Variants in ROBO3 observed in about 807,000 individuals in gnomAD.
ROBO3 encodes roundabout guidance receptor 3, also known as roundabout homolog 3.
ROBO3 carries 97 observed loss-of-function variants against 160.5 expected under a neutral mutation model. The observed-to-expected ratio is 0.60, with a 90% CI of 0.51 to 0.72. ROBO3 has a LOEUF of 0.72. Ranked by LOEUF, ROBO3 falls within the 30% of genes least tolerant of loss-of-function variation. The pLI is 0.00. For synonymous variants in ROBO3, 780 were observed against 746.2 expected (o/e 1.05, Z -0.74); for missense variants, 1,858 against 1,846.5 (o/e 1.01, Z -0.11).
At chr11:124,870,135 CCTGA>C in intron 4 of ROBO3, 26 bp from the exon 5 acceptor site, 1 of 1,614,020 alleles carries the variant, frequency 6.2e-7, no homozygotes, top group Middle Eastern at 1.6e-4. Context: ...GTGCAGACAC[CCTGA>C]CTGTTCACTC....
Position 124,872,641 on chromosome 11 carries a change from A to C in ROBO3, c.1330+89A>C. 7.6e-7 allele frequency: 1 copy of C among 1,324,162 alleles called. No individual in the cohort carries two copies. Among genetic ancestry groups the C allele is most frequent in the Non-Finnish European group, 1.0e-6 (1 of 965,148 alleles). 82.0% of individuals were successfully genotyped at this position (1,324,162 alleles called of 1,614,324 possible). On this transcript the variant is annotated intron_variant, in intron 8 of 27. Transcript: ENST00000397801. This position sits in a 1 kb window ranked among gnomAD's most constrained non-coding sequence, Gnocchi z 4.3. ...GTGTTTCTCTTGGAGTCTATATACT[A>C]TGTCTGCAAGAGGAGAGATGTGTTC...
intron 26 of ROBO3, 135 bp from the exon 27 acceptor site, chr11:124,880,283 C>T: frequency 7.0e-7 from 1 of 1,430,564 alleles, no homozygotes; most frequent in Non-Finnish European, 9.3e-7. Context: ...TGCTCCTCAG[C>T]CCCAGGCTGG....
At position 124,870,719 on chromosome 11, in the gene ROBO3, A is replaced by G. The variant is rs1342200262; in HGVS notation, c.1024A>G (p.Ser342Gly). ...VGRAEASGSL[S>G]VHVPPQLVTQ... is the part of the protein sequence containing the mutation. The stretch of plus-strand genomic sequence containing the variant: ...CCGCGCTGAAGCATCTGGCTCCCTC[A>G]GTGTTCACGGTGAGGGCTGTACTTG... The change falls in exon 6 of 28, where the codon AGT becomes GGT. Residue 342 changes from serine (S) to glycine (G), a missense_variant. By Grantham distance (56) the Ser-to-Gly change is moderately conservative. Transcript: ENST00000397801. 3 of 1,611,270 alleles carry G rather than the reference A, an allele frequency of 1.9e-6. No individual in the cohort carries two copies. The highest frequency in any genetic ancestry group is 3.4e-5 in the Admixed American group (2 of 59,600).
intron 19 of ROBO3, 32 bp downstream of exon 19, chr11:124,877,341 C>T: frequency 6.2e-7 from 1 of 1,612,912 alleles, no homozygotes; most frequent in Non-Finnish European, 8.5e-7. Flanking sequence ...CTCAGGATGA[C>T]CTCCACCGAC....
In ROBO3 at chr11:124,870,215, G is replaced by A. The variant is rs1225347616; in HGVS notation, c.817G>A (p.Ala273Thr). Residue 273 changes from alanine (A) to threonine (T), a missense_variant, in exon 5 of 28, where the codon GCC (alanine) becomes ACC (threonine). By Grantham distance (58) the Ala-to-Thr change is moderately conservative (BLOSUM62 0). Transcript: ENST00000397801. ...AGTGAATCAGGTGGTCCTGGCTGAT[G>A]CCCCTGTGACTTTCCTATGTGAGGT... ...RPVNQVVLAD[A>T]PVTFLCEVKG... The A allele has an allele frequency of 2.5e-6, 4 of 1,614,054 alleles. No homozygotes were observed. The highest frequency in any genetic ancestry group is 2.5e-6 in the Non-Finnish European group (3 of 1,179,906).
intron 1 of ROBO3, chr11:124,868,392 A>G: frequency 6.3e-6 from 3 of 475,928 alleles, no homozygotes; most frequent in Non-Finnish European, 7.6e-6. Flanking sequence ...ATGGTCTTTC[A>G]CTGAGCAAGG....
Position 124,881,234 on chromosome 11 carries a change from C to T in ROBO3, c.4150-5C>T, listed in dbSNP as rs761075073. The T allele has an allele frequency of 6.2e-6, 10 of 1,605,218 alleles. No homozygotes were observed. In the South Asian group the frequency reaches 1.1e-4, roughly 18 times the overall value. ...ACAAAACAGCATCTCTCTCTCTCTC[C>T]CTAGGAACCAAGATGACCCTTGTTG... On this transcript the variant is annotated splice_polypyrimidine_tract_variant and splice_region_variant and intron_variant, in intron 27 of 27. Transcript: ENST00000397801.
chr11:124,870,727 C>T lies in ROBO3; in HGVS notation c.1032C>T (p.His344=), dbSNP rs773469459. 86 of 1,610,096 alleles carry T rather than the reference C, an allele frequency of 5.3e-5. No homozygotes were observed. The highest frequency in any genetic ancestry group is 6.2e-5 in the Non-Finnish European group (73 of 1,178,430). ...AAGCATCTGGCTCCCTCAGTGTTCA[C>T]GGTGAGGGCTGTACTTGGGACTGCC... is the stretch of plus-strand genomic sequence containing the variant. ...RAEASGSLSV[H]VPPQLVTQPQ... is the part of the protein sequence containing the mutation. The change falls in exon 6 of 28, where the codon CAC becomes CAT. Residue 344 remains histidine (H), a splice_region_variant and synonymous_variant. Transcript: ENST00000397801.
At position 124,878,019 on chromosome 11, in the gene ROBO3, C is replaced by A; in HGVS notation, c.3069C>A (p.Asp1023Glu). ...AGGGTCCTGTCTATAGCACCATTGA[C>A]CCAGCGGGGGAGGAGCTGCAGACCT... ...PGEGPVYSTIDPAGEELQTFH... is the reference protein window; with the variant it reads ...PGEGPVYSTIEPAGEELQTFH... Residue 1023 changes from aspartate to glutamate, a missense_variant, in exon 21 of 28, where the codon GAC becomes GAA. Transcript: ENST00000397801. The surrounding 1 kb of genome is among the most constrained non-coding windows in gnomAD (Gnocchi z 4.3). 6.2e-7 allele frequency: 1 copy of A among 1,612,448 alleles called. No individual in the cohort carries two copies. The highest frequency in any genetic ancestry group is 8.5e-7 in the Non-Finnish European group (1 of 1,179,278).
chr11:124,872,501 G>C lies in ROBO3; in HGVS notation c.1279G>C (p.Val427Leu), dbSNP rs753777967. 1 of 1,614,004 alleles carries C rather than the reference G, an allele frequency of 6.2e-7. No homozygotes were observed. The highest frequency in any genetic ancestry group is 8.5e-7 in the Non-Finnish European group (1 of 1,179,880). ...TGCTGGGTACTACGTGTGCCAGGCT[G>C]TCAGTGTGGCTGGCAGCATCCTGGC... is the stretch of plus-strand genomic sequence containing the variant. The part of the protein sequence containing the change: ...GDAGYYVCQA[V>L]SVAGSILAKA... The change falls in exon 8 of 28, where the codon GTC (valine) becomes CTC (leucine). Residue 427 changes from valine to leucine, a missense_variant. By Grantham distance (32) the Val-to-Leu change is conservative (BLOSUM62 1). Coordinates refer to ENST00000397801, the MANE Select transcript of ROBO3 (RefSeq NM_022370.4). The surrounding 1 kb of genome is among the most constrained non-coding windows in gnomAD (Gnocchi z 4.3).
At chr11:124,870,534 T>C in intron 5 of ROBO3, 67 bp from the exon 6 acceptor site, 1 of 1,607,270 alleles carries the variant, frequency 6.2e-7, no homozygotes, top group Non-Finnish European at 8.5e-7. Context: ...CCCTGGTGTC[T>C]GTCCTGGGGG....
chr11:124,875,065 T>G, intron 13 of ROBO3, 46 bp from the exon 14 acceptor site: 1 of 1,534,390 alleles, frequency 6.5e-7, no homozygotes, highest in Non-Finnish European at 8.8e-7. Flanking sequence ...AGGGCCTGTA[T>G]GGCCCCAGCC....
chr11:124,874,599 A>G (rs1425711657), intron 12 of ROBO3, among the ~76,000 whole-genome samples, 189 bp from the exon 13 acceptor site: 2 of 152,222 alleles, frequency 1.3e-5, no homozygotes, highest in Admixed American at 6.5e-5. Flanking sequence ...TAAAGGATGC[A>G]TGTGTAATTA....
Position 124,878,271 on chromosome 11 carries a change from C to T in ROBO3, c.3182-27C>T, listed in dbSNP as rs375775931. On this transcript the variant is annotated intron_variant, in intron 21 of 27. Transcript: ENST00000397801. This position sits in a 1 kb window ranked among gnomAD's most constrained non-coding sequence, Gnocchi z 4.3. ...CTCTGGCTCTTTCCTGCCTGTTCTC[C>T]GGGTGTCCCCATCCTATTCTCCTCA... 387 of 1,609,738 alleles carry T rather than the reference C, an allele frequency of 2.4e-4. No homozygotes were observed. Among genetic ancestry groups the T allele is most frequent in the Non-Finnish European group, 3.0e-4 (355 of 1,178,068 alleles).
intron 1 of ROBO3, among the ~76,000 whole-genome samples, chr11:124,866,014 C>A (rs1179183717): frequency 6.6e-6 from 1 of 152,168 alleles, no homozygotes; most frequent in Non-Finnish European, 1.5e-5. Context: ...TGAGAAGAAC[C>A]GTTGCTGGTA....
rs1171737128 is a variant in ROBO3 at position 124,869,127 on chromosome 11, A to G, written c.486A>G (p.Ala162=). 6.5e-7 allele frequency: 1 copy of G among 1,549,064 alleles called. No individual in the cohort carries two copies. The change falls in exon 2 of 28, where the codon GCA becomes GCG. Residue 162 remains alanine, a splice_region_variant and synonymous_variant. Transcript: ENST00000397801. The surrounding 1 kb of genome is among the most constrained non-coding windows in gnomAD (Gnocchi z 4.2). ...GCAGAAACGCCTCGCTGGAAGTGGC[A>G]GGTGAGAGTCAGTTGACCGTCAGCT... The part of the protein sequence containing the change: ...AASRNASLEV[A]VLRDDFRQSP...
rs370657176 is a variant in ROBO3, at chr11:124,876,154, A to C, written c.2593+29A>C. 5.1e-6 allele frequency: 8 copies of C among 1,572,648 alleles called. No homozygotes were observed. The African/African-American group carries it at 8.1e-5, about 16-fold the overall frequency. ...AGTCCACCCGAGGGCAGTGCTGAGG[A>C]TCTTGACGGGGGCGGGGCAAGCCCC... On this transcript the variant is annotated intron_variant, in intron 16 of 27. Transcript: ENST00000397801. The surrounding 1 kb of genome is among the most constrained non-coding windows in gnomAD (Gnocchi z 5.3).
chr11:124,877,111 C>A, intron 17 of ROBO3, 50 bp from the exon 18 acceptor site: 7 of 1,605,236 alleles, frequency 4.4e-6, no homozygotes, highest in Non-Finnish European at 5.1e-6. Flanking sequence ...TATTTCTGAC[C>A]CTTCTCCTCA....
rs1393809260 is a variant in ROBO3, at chr11:124,876,137, C to T, written c.2593+12C>T. 2 of 1,592,418 alleles carry T rather than the reference C, an allele frequency of 1.3e-6. No homozygotes were observed. Among genetic ancestry groups the T allele is most frequent in the African/African-American group, 2.7e-5 (2 of 74,660 alleles). On this transcript the variant is annotated intron_variant, in intron 16 of 27. Coordinates refer to ENST00000397801, the MANE Select transcript of ROBO3 (RefSeq NM_022370.4). This position sits in a 1 kb window ranked among gnomAD's most constrained non-coding sequence, Gnocchi z 5.3. ...GCTGGTGCAGCTGCGTGAGTCCACCCGAGGGCAGTGCTGAGGATCTTGACG... is the reference window on the plus strand; with the variant it reads ...GCTGGTGCAGCTGCGTGAGTCCACCTGAGGGCAGTGCTGAGGATCTTGACG...
Sources: allele counts gnomAD v4.1 joint callset (sites outside exome capture counted in the v4.1 genomes callset), GRCh38; gene constraint gnomAD v4.1.1; non-coding constraint Gnocchi (gnomAD v3.1); transcripts MANE v1.5; gene names NCBI Gene and HGNC (gene_info 2026-07-23, HGNC 2026-07-21).